Variants in TBC1D31 observed in about 807,000 individuals in gnomAD.
The protein encoded by TBC1D31 is WD repeat domain 67.
In TBC1D31, 99 loss-of-function variants were observed where a neutral mutation model predicts 132.9. The ratio of observed to expected loss-of-function variants is 0.74; its 90% confidence interval spans 0.63 to 0.88. TBC1D31 has a LOEUF of 0.88. Among genes scored for constraint, TBC1D31 ranks in the 40% least tolerant of loss-of-function variants. The probability of loss-of-function intolerance (pLI) is 0.00; values close to 1 mark genes in which losing one functional copy is unlikely to be tolerated. For missense variants in TBC1D31, 1,134 were observed against 1,256.6 expected (o/e 0.90, Z 1.48); for synonymous variants, 385 against 419.4 (o/e 0.92, Z 1.00).
the TBC1D31 span, among the ~76,000 whole-genome samples, chr8:123,157,203 T>C: frequency 6.6e-6 from 1 of 152,072 alleles, no homozygotes; most frequent in South Asian, 2.1e-4. Flanking sequence ...TCCGGCGGGG[T>C]TGTACGGACA....
chr8:123,102,043 A>G (rs1022269249), intron 7 of TBC1D31, among the ~76,000 whole-genome samples: 38 of 152,126 alleles, frequency 2.5e-4, no homozygotes, highest in African/African-American at 8.9e-4. Flanking sequence ...CATTATCCCC[A>G]TAGACACCAT....
At chr8:123,114,431 C>G (rs1818733799) in intron 10 of TBC1D31, among the ~76,000 whole-genome samples, 1 of 152,064 alleles carries the variant, frequency 6.6e-6, no homozygotes, top group South Asian at 2.1e-4. Context: ...GGTGATTGTC[C>G]TGCTTCAGCC....
chr8:123,118,444 T>C (rs573794652), intron 10 of TBC1D31, among the ~76,000 whole-genome samples: 10 of 152,180 alleles, frequency 6.6e-5, no homozygotes, highest in African/African-American at 1.7e-4. Flanking sequence ...GTATTAGAAG[T>C]ACATGTGGGA....
intron 17 of TBC1D31, among the ~76,000 whole-genome samples, chr8:123,135,018 G>A (rs899048985): frequency 6.6e-6 from 1 of 152,182 alleles, no homozygotes; most frequent in African/African-American, 2.4e-5. Flanking sequence ...TCCCACGTCA[G>A]CCTCCCCAGT....
chr8:123,128,592 T>G, intron 14 of TBC1D31, 79 bp downstream of exon 14: 1 of 1,191,502 alleles, frequency 8.4e-7, no homozygotes, highest in Middle Eastern at 2.6e-4. Context: ...GAAAAATACA[T>G]TTGGCTGAGC....
chr8:123,111,885 G>C (rs949633263), intron 10 of TBC1D31, among the ~76,000 whole-genome samples: 1 of 152,026 alleles, frequency 6.6e-6, no homozygotes, highest in Non-Finnish European at 1.5e-5. Flanking sequence ...ACAGGGCCTT[G>C]CTCTGTCACC....
At chr8:123,074,682 T>A (rs1814312069) in intron 1 of TBC1D31, among the ~76,000 whole-genome samples, 1 of 152,214 alleles carries the variant, frequency 6.6e-6, no homozygotes, top group South Asian at 2.1e-4. Flanking sequence ...AAGCATAGCT[T>A]ATCTTTGTGT....
chr8:123,117,745 T>A (rs1586662953), intron 10 of TBC1D31, among the ~76,000 whole-genome samples: 1 of 87,008 alleles, frequency 1.1e-5, no homozygotes, highest in Non-Finnish European at 2.1e-5. Flanking sequence ...AGAGCGAAAC[T>A]CCGTCTCAAA....
At chr8:123,091,969 T>G (rs1014721797) in intron 4 of TBC1D31, among the ~76,000 whole-genome samples, 1 of 152,222 alleles carries the variant, frequency 6.6e-6, no homozygotes, top group Non-Finnish European at 1.5e-5. Context: ...AAAAAATGGC[T>G]TAACACTTAC....
At chr8:123,098,052 G>C (rs12541269) in intron 6 of TBC1D31, among the ~76,000 whole-genome samples, 47,380 of 151,892 alleles carry the variant, frequency 0.31, 7,529 homozygotes, top group African/African-American at 0.36. Context: ...TATTTTAACA[G>C]ATTAGATATA....
chr8:123,099,473 C>A (rs1817171802), intron 6 of TBC1D31, among the ~76,000 whole-genome samples: 1 of 152,282 alleles, frequency 6.6e-6, no homozygotes, highest in East Asian at 1.9e-4. Context: ...AAACTTTTCT[C>A]TCCCCTTAAA....
intron 11 of TBC1D31, among the ~76,000 whole-genome samples, chr8:123,120,561 A>C (rs1777548832): frequency 6.6e-6 from 1 of 152,070 alleles, no homozygotes; most frequent in South Asian, 2.1e-4. Flanking sequence ...AATCCCAGCT[A>C]CTCAGGAGGC....
chr8:123,109,694 T>C (rs1461694451), intron 10 of TBC1D31, 74 bp downstream of exon 10: 14 of 1,365,114 alleles, frequency 1.0e-5, no homozygotes, highest in Non-Finnish European at 1.3e-5. Flanking sequence ...ATCTCCTGTT[T>C]ATAAAATATT....
chr8:123,135,888 G>C (rs566822255), intron 17 of TBC1D31, among the ~76,000 whole-genome samples: 221 of 152,250 alleles, frequency 1.5e-3, no homozygotes, highest in African/African-American at 5.2e-3. Flanking sequence ...TATAATTTTA[G>C]AACTAACAGG....
intron 1 of TBC1D31, chr8:123,073,104 G>C: frequency 1.8e-6 from 1 of 560,332 alleles, no homozygotes; most frequent in Non-Finnish European, 3.2e-6. Flanking sequence ...GGGAACTTGC[G>C]GCTTTTGCTG....
At chr8:123,163,730 TA>T in the TBC1D31 span, among the ~76,000 whole-genome samples, 4 of 152,166 alleles carry the variant, frequency 2.6e-5, no homozygotes, top group African/African-American at 9.7e-5. Flanking sequence ...GGTTTTTGGT[TA>T]CATGGATAAG....
Position 123,151,925 on chromosome 8 carries a change from CT to C in TBC1D31, c.3191del (p.Leu1064TrpfsTer30). 6.5e-7 allele frequency: 1 copy of C among 1,546,596 alleles called. No individual in the cohort carries two copies. ...RARHRCQTPHLLAA is the reference protein window; with the variant it reads ...RARHRCQTPHXLAA ...TCGTCACAGATGTCAAACCCCTCAT[CT>C]TTTGGCTGCATAGAATGCATGTCAC... is the stretch of plus-strand genomic sequence containing the variant. On this transcript the variant is annotated frameshift_variant, in exon 22 of 22. Coordinates refer to ENST00000287380, the MANE Select transcript of TBC1D31 (RefSeq NM_145647.4). LOFTEE classifies it high-confidence loss of function.
chr8:123,104,829 G>T (rs1002554772), intron 7 of TBC1D31, among the ~76,000 whole-genome samples: 2 of 152,120 alleles, frequency 1.3e-5, no homozygotes, highest in African/African-American at 4.8e-5. Flanking sequence ...AGGGGCAGAG[G>T]TTCCATGCTT....
At chr8:123,125,831 A>T (rs1819974657) in intron 11 of TBC1D31, among the ~76,000 whole-genome samples, 1 of 152,138 alleles carries the variant, frequency 6.6e-6, no homozygotes, top group African/African-American at 2.4e-5. Context: ...GTTTTAATTA[A>T]CACTTTTTCA....
Sources: allele counts gnomAD v4.1 joint callset (sites outside exome capture counted in the v4.1 genomes callset), GRCh38; gene constraint gnomAD v4.1.1; transcripts MANE v1.5; gene names NCBI Gene and HGNC (gene_info 2026-07-23, HGNC 2026-07-21).